The following TTC17 variants were observed in gnomAD, a reference collection of about 807,000 sequenced individuals.
TTC17 encodes tetratricopeptide repeat protein 17.
Under a neutral mutation model 143.8 loss-of-function variants are expected in TTC17, and 58 were observed. That is an observed-to-expected ratio of 0.40 (90% CI 0.33 to 0.50). The LOEUF is 0.50. Ranked by LOEUF, TTC17 falls within the 20% of genes least tolerant of loss-of-function variation. The pLI, the probability that TTC17 is intolerant of heterozygous loss-of-function variation, is 0.49. For synonymous variants in TTC17, 501 were observed against 497.8 expected (o/e 1.01, Z -0.09); for missense variants, 1,273 against 1,392.5 (o/e 0.91, Z 1.37).
Position 43,411,479 on chromosome 11 carries a change from C to T in TTC17, c.2065-3111C>T, listed in dbSNP as rs142603219. Reference sequence around the variant, plus strand: ...TATTTCTTCCTTCTATATTTTTCTCCGTCCCATTTTGCTCACTGACATCCC... The same window carrying T: ...TATTTCTTCCTTCTATATTTTTCTCTGTCCCATTTTGCTCACTGACATCCC... On this transcript the variant is annotated intron_variant, in intron 15 of 23. Coordinates refer to ENST00000039989, the MANE Select transcript of TTC17 (RefSeq NM_018259.6). Among the ~76,000 whole-genome samples, 514 of 151,562 alleles carry T rather than the reference C, an allele frequency of 3.4e-3. 3 individuals carry two copies. Among genetic ancestry groups the T allele is most frequent in the African/African-American group, 0.012 (476 of 41,346 alleles).
At chr11:43,398,618 G>A (rs998241567) in intron 8 of TTC17, among the ~76,000 whole-genome samples, 5 of 152,166 alleles carry the variant, frequency 3.3e-5, no homozygotes, top group Admixed American at 6.5e-5. Context: ...AATCATGATT[G>A]TGTGTTAGGT....
At chr11:43,371,983 G>A (rs1856585028) in intron 1 of TTC17, among the ~76,000 whole-genome samples, 2 of 152,128 alleles carry the variant, frequency 1.3e-5, no homozygotes, top group African/African-American at 2.4e-5. Flanking sequence ...GAGGTGGGAG[G>A]ATTGCTTGAG....
rs193096854 is a variant in TTC17 at position 43,461,943 on chromosome 11, C to T, written c.3030+10678C>T. ...AGAAGGAAAATGGAATCATGTAGAA[C>T]ATTTGATTAATCCAAAGGAAGTCAA... is the stretch of plus-strand genomic sequence containing the variant. On this transcript the variant is annotated intron_variant, in intron 21 of 23. Coordinates refer to ENST00000039989, the MANE Select transcript of TTC17 (RefSeq NM_018259.6). Among the ~76,000 whole-genome samples the T allele has an allele frequency of 2.4e-3, 371 of 152,034 alleles. 3 individuals carry two copies. Among genetic ancestry groups the T allele is most frequent in the African/African-American group, 8.6e-3 (358 of 41,474 alleles).
chr11:43,474,997 T>C (rs1948158845), intron 21 of TTC17, among the ~76,000 whole-genome samples: 1 of 151,892 alleles, frequency 6.6e-6, no homozygotes, highest in African/African-American at 2.4e-5. Context: ...GTTTCAGGGG[T>C]ATTAGAGGCA....
At chr11:43,407,635 A>G (rs1234245392) in intron 15 of TTC17, 58 bp downstream of exon 15, 8 of 1,469,812 alleles carry the variant, frequency 5.4e-6, no homozygotes, top group Non-Finnish European at 7.5e-6. Flanking sequence ...TCAAATTTAG[A>G]TTACAATTTG....
intron 21 of TTC17, among the ~76,000 whole-genome samples, chr11:43,462,537 CA>C (rs1947888201): frequency 6.6e-6 from 1 of 152,198 alleles, no homozygotes; most frequent in Non-Finnish European, 1.5e-5. Flanking sequence ...GAAGGGAGCA[CA>C]GCCCTGCTGA....
intron 1 of TTC17, among the ~76,000 whole-genome samples, chr11:43,364,044 C>A (rs1209530319): frequency 6.8e-6 from 1 of 146,198 alleles, no homozygotes; most frequent in African/African-American, 2.5e-5. Context: ...GAGTACAGAT[C>A]CTCTTTTTTT....
intron 15 of TTC17, among the ~76,000 whole-genome samples, chr11:43,408,067 C>T (rs1298594709): frequency 6.6e-6 from 1 of 152,122 alleles, no homozygotes; most frequent in East Asian, 1.9e-4. Flanking sequence ...TATGGAGTTA[C>T]ATCAGTGCTT....
At chr11:43,475,051 C>T (rs994510920) in intron 21 of TTC17, among the ~76,000 whole-genome samples, 1 of 151,962 alleles carries the variant, frequency 6.6e-6, no homozygotes, top group Non-Finnish European at 1.5e-5. Context: ...GAGGCAAGCA[C>T]GCTTGGTCTT....
chr11:43,472,451 A>C (rs1948109816), intron 21 of TTC17, among the ~76,000 whole-genome samples: 1 of 152,220 alleles, frequency 6.6e-6, no homozygotes. Context: ...ACTACAGTTA[A>C]AGACAGACAT....
chr11:43,443,551 C>A lies in TTC17; in HGVS notation c.2478C>A (p.Asp826Glu). Residue 826 changes from aspartate (D) to glutamate (E), a missense_variant, in exon 17 of 24, where the codon GAC (aspartate) becomes GAA (glutamate). Asp to Glu is a conservative substitution (Grantham distance 45). Coordinates refer to ENST00000039989, the MANE Select transcript of TTC17 (RefSeq NM_018259.6). ...TGGCCAGAAGCTCTTGCTATGGAGA[C>A]TGCAGAAGTGAAGATGATGAAGCAA... ...DGVARSSCYGDCRSEDDEATE... is the reference protein window; with the variant it reads ...DGVARSSCYGECRSEDDEATE... 6.2e-7 allele frequency: 1 copy of A among 1,613,076 alleles called. No individual in the cohort carries two copies. The highest frequency in any genetic ancestry group is 8.5e-7 in the Non-Finnish European group (1 of 1,179,544).
chr11:43,368,851 C>G (rs1466644363), intron 1 of TTC17, among the ~76,000 whole-genome samples: 1 of 152,214 alleles, frequency 6.6e-6, no homozygotes, highest in Non-Finnish European at 1.5e-5. Context: ...CTCCTCCAGC[C>G]TCAGACACCA....
At position 43,405,145 on chromosome 11, in the gene TTC17, C is replaced by T. The variant is rs1439292711; in HGVS notation, c.1480-369C>T. 4.0e-5 allele frequency among the ~76,000 whole-genome samples: 6 copies of T among 149,560 alleles called. No homozygotes were observed. The East Asian group carries it at 1.2e-3, about 29-fold the overall frequency. Reference sequence around the variant, plus strand: ...TGCCATCCACAGTATTGGTTTCATCCAAAAGCTTGGTTTTTTTCATGGTCA... The same window carrying T: ...TGCCATCCACAGTATTGGTTTCATCTAAAAGCTTGGTTTTTTTCATGGTCA... On this transcript the variant is annotated intron_variant, in intron 11 of 23. Coordinates refer to ENST00000039989, the MANE Select transcript of TTC17 (RefSeq NM_018259.6).
At chr11:43,468,734 A>G (rs140601530) in intron 21 of TTC17, among the ~76,000 whole-genome samples, 2,813 of 152,270 alleles carry the variant, frequency 0.018, 34 homozygotes, top group Middle Eastern at 0.075. Flanking sequence ...CAGGAGTTCA[A>G]GACCAACCAG....
chr11:43,405,809 A>C lies in TTC17; in HGVS notation c.1619A>C (p.Asp540Ala). The change falls in exon 13 of 24, where the codon GAT becomes GCT. Residue 540 changes from aspartate to alanine, a missense_variant. Physicochemically the swap from Asp to Ala is moderately radical, Grantham distance 126. Around this residue, in one of 3 missense-constraint regions of TTC17, gnomAD observed 878 missense variants for 899.8 expected, o/e 0.98. Coordinates refer to ENST00000039989, the MANE Select transcript of TTC17 (RefSeq NM_018259.6). ...AGGATCCACGAACTCAGCAGTGATG[A>C]TTATTCTACAGAAGAAGAGGCCCAA... ...GLRIHELSSD[D>A]YSTEEEAQTP... The C allele has an allele frequency of 6.2e-7, 1 of 1,614,032 alleles. No individual in the cohort carries two copies.
chr11:43,443,544 A>G lies in TTC17; in HGVS notation c.2471A>G (p.Tyr824Cys), dbSNP rs2134729677. The change falls in exon 17 of 24, where the codon TAT (tyrosine) becomes TGT (cysteine). Residue 824 changes from tyrosine to cysteine, a missense_variant. Physicochemically the swap from Tyr to Cys is radical, Grantham distance 194. Around this residue, in one of 3 missense-constraint regions of TTC17, gnomAD observed 878 missense variants for 899.8 expected, o/e 0.98. Transcript: ENST00000039989. The stretch of plus-strand genomic sequence containing the variant: ...GATGGAGTGGCCAGAAGCTCTTGCT[A>G]TGGAGACTGCAGAAGTGAAGATGAT... ...PQDGVARSSC[Y>C]GDCRSEDDEA... 5 of 1,613,992 alleles carry G rather than the reference A, an allele frequency of 3.1e-6. No individual in the cohort carries two copies. Among genetic ancestry groups the G allele is most frequent in the South Asian group, 1.1e-5 (1 of 91,064 alleles).
intron 21 of TTC17, among the ~76,000 whole-genome samples, chr11:43,471,379 T>A (rs976617854): frequency 6.6e-6 from 1 of 152,224 alleles, no homozygotes; most frequent in Non-Finnish European, 1.5e-5. Flanking sequence ...CTTTGTCCTA[T>A]CACAGACCCA....
At chr11:43,410,922 A>G (rs1235767478) in intron 15 of TTC17, among the ~76,000 whole-genome samples, 2 of 152,146 alleles carry the variant, frequency 1.3e-5, no homozygotes, top group African/African-American at 2.4e-5. Context: ...AGATTTTACT[A>G]TTTATCATTG....
rs370644859 is a variant in TTC17, at chr11:43,469,409, GA to G, written c.3030+18152del. On this transcript the variant is annotated intron_variant, in intron 21 of 23. Transcript: ENST00000039989. Reference sequence around the variant, plus strand: ...AAAACATATGACCACAAAATACTTGGAAAAAAAATATTTACAGCAGCTTTAT... The same window carrying G: ...AAAACATATGACCACAAAATACTTGGAAAAAAATATTTACAGCAGCTTTAT... Among the ~76,000 whole-genome samples, 571 of 151,914 alleles carry G rather than the reference GA, an allele frequency of 3.8e-3. 4 individuals are homozygous for G. Among genetic ancestry groups the G allele is most frequent in the African/African-American group, 0.013 (531 of 41,438 alleles).
Sources: allele counts gnomAD v4.1 joint callset (sites outside exome capture counted in the v4.1 genomes callset), GRCh38; gene constraint gnomAD v4.1.1; regional missense constraint gnomAD v4.1.1; transcripts MANE v1.5; gene names NCBI Gene and HGNC (gene_info 2026-07-23, HGNC 2026-07-21).